The following NTRK2 variants were observed in gnomAD, a reference collection of about 807,000 sequenced individuals.
The protein encoded by NTRK2 is BDNF/NT-3 growth factors receptor.
Under a neutral mutation model 94.5 loss-of-function variants are expected in NTRK2, and 13 were observed. The observed-to-expected ratio is 0.14, with a 90% confidence interval of 0.09 to 0.22. The LOEUF (loss-of-function observed/expected upper bound fraction) is 0.22, where lower values mean the gene tolerates loss of function less well. Among genes scored for constraint, NTRK2 ranks in the 10% least tolerant of loss-of-function variants. NTRK2 has a pLI of 1.00. For missense variants in NTRK2, 639 were observed against 1,071.2 expected, an observed-to-expected ratio of 0.60 and a Z score of 5.63; for synonymous variants, 372 against 407.4, an observed-to-expected ratio of 0.91 and a Z score of 1.05.
intron 11 of NTRK2, among the ~76,000 whole-genome samples, chr9:84,746,318 TG>T (rs1015809137): frequency 3.3e-5 from 5 of 152,178 alleles, no homozygotes; most frequent in African/African-American, 1.2e-4. Flanking sequence ...TGTGCTCCGA[TG>T]GGGGTGGAGT....
rs1344105176 is a variant in NTRK2 at position 85,026,438 on chromosome 9, A to G, written c.*5001A>G. The G allele has an allele frequency of 4.3e-6, 1 of 232,158 alleles. No homozygotes were observed. Among genetic ancestry groups the G allele is most frequent in the Non-Finnish European group, 8.5e-6 (1 of 117,446 alleles). 14.4% of individuals were successfully genotyped at this position (232,158 alleles called of 1,614,324 possible). A position where few individuals can be genotyped will look rare whatever the true frequency, so the allele number is the denominator to read the frequency against. ...TGTTTGAACAGGAAAAATATTACAG[A>G]AAATGAAATGTAAAGGCCTATATCT... On this transcript the variant is annotated 3_prime_UTR_variant, in exon 19 of 19. Coordinates refer to ENST00000277120, the MANE Select transcript of NTRK2 (RefSeq NM_006180.6).
intron 12 of NTRK2, among the ~76,000 whole-genome samples, chr9:84,779,944 C>T (rs1423902345): frequency 2.0e-5 from 3 of 152,182 alleles, no homozygotes; most frequent in Non-Finnish European, 2.9e-5. Flanking sequence ...ACCACCAACA[C>T]GTCCAGCATT....
chr9:84,784,581 G>T (rs1564267695), intron 12 of NTRK2, among the ~76,000 whole-genome samples: 1 of 152,164 alleles, frequency 6.6e-6, no homozygotes, highest in Non-Finnish European at 1.5e-5. Context: ...AGAAAGGAGA[G>T]ACAGAGGACC....
At chr9:85,011,537 T>G (rs960063858) in intron 17 of NTRK2, among the ~76,000 whole-genome samples, 1 of 152,128 alleles carries the variant, frequency 6.6e-6, no homozygotes, top group Non-Finnish European at 1.5e-5. Context: ...ATCTGAGAGC[T>G]CTCTCTCGCT....
At chr9:84,789,386 A>G (rs953575224) in intron 12 of NTRK2, among the ~76,000 whole-genome samples, 1 of 152,216 alleles carries the variant, frequency 6.6e-6, no homozygotes, top group African/African-American at 2.4e-5. Context: ...CCAATTGTCC[A>G]GAGCCTTTGC....
chr9:84,739,758 T>A, intron 9 of NTRK2, among the ~76,000 whole-genome samples: 1 of 152,152 alleles, frequency 6.6e-6, no homozygotes, highest in Non-Finnish European at 1.5e-5. Context: ...AAGCCCTCAG[T>A]CCTGGGCAGA....
At chr9:84,724,871 C>T (rs572267859) in intron 8 of NTRK2, among the ~76,000 whole-genome samples, 2 of 152,224 alleles carry the variant, frequency 1.3e-5, no homozygotes, top group Non-Finnish European at 2.9e-5. Context: ...ATTATTATCA[C>T]CGGTAGAAAA....
intron 9 of NTRK2, among the ~76,000 whole-genome samples, chr9:84,732,342 A>G (rs1191098815): frequency 6.6e-6 from 1 of 152,158 alleles, no homozygotes; most frequent in Non-Finnish European, 1.5e-5. Flanking sequence ...GTTTGATTAC[A>G]TTTTTAAATA....
chr9:84,926,958 G>A (rs559776409), intron 14 of NTRK2, among the ~76,000 whole-genome samples: 28 of 152,280 alleles, frequency 1.8e-4, no homozygotes, highest in African/African-American at 6.5e-4. Flanking sequence ...TCTGTTATGA[G>A]TACTATTTTT....
intron 17 of NTRK2, among the ~76,000 whole-genome samples, chr9:85,005,316 A>G (rs928944268): frequency 6.6e-6 from 1 of 152,202 alleles, no homozygotes; most frequent in Non-Finnish European, 1.5e-5. Context: ...AGGCAGATGC[A>G]AACAGAAAGA....
intron 14 of NTRK2, among the ~76,000 whole-genome samples, chr9:84,914,795 G>A (rs1330640960): frequency 6.6e-6 from 1 of 152,058 alleles, no homozygotes; most frequent in East Asian, 1.9e-4. Flanking sequence ...GGGGACATAC[G>A]AAGCAAAAAG....
intron 12 of NTRK2, among the ~76,000 whole-genome samples, chr9:84,780,146 G>GA (rs908818320): frequency 2.3e-4 from 35 of 151,652 alleles, no homozygotes; most frequent in Admixed American, 1.7e-3. Flanking sequence ...TACAAGGGAA[G>GA]AAAAAAAACC....
intron 11 of NTRK2, among the ~76,000 whole-genome samples, chr9:84,749,228 CAA>C (rs34920308): frequency 7.2e-6 from 1 of 139,288 alleles, no homozygotes; most frequent in Non-Finnish European, 1.6e-5. Flanking sequence ...AACTCCGTCT[CAA>C]AAAAAAAAAA....
intron 12 of NTRK2, among the ~76,000 whole-genome samples, chr9:84,794,346 A>G (rs991750896): frequency 2.0e-5 from 3 of 152,210 alleles, no homozygotes; most frequent in African/African-American, 7.2e-5. Context: ...GGACAGGGGC[A>G]TAGGTTGCAG....
chr9:84,973,249 A>G lies in NTRK2; in HGVS notation c.2172+17732A>G, dbSNP rs111984174. Among the ~76,000 whole-genome samples the G allele has an allele frequency of 3.4e-3, 512 of 152,356 alleles. 4 individuals carry two copies. The highest frequency in any genetic ancestry group is 0.012 in the African/African-American group (479 of 41,574). On this transcript the variant is annotated intron_variant, in intron 17 of 18. Transcript: ENST00000277120. Reference sequence around the variant, plus strand: ...AAAAGGGGAAAATGGTAAGCAGATCAGAGAAACCCAGAGAACATTTGATTC... The same window carrying G: ...AAAAGGGGAAAATGGTAAGCAGATCGGAGAAACCCAGAGAACATTTGATTC...
intron 14 of NTRK2, among the ~76,000 whole-genome samples, chr9:84,890,297 A>C (rs1042709757): frequency 3.3e-5 from 5 of 152,238 alleles, no homozygotes; most frequent in African/African-American, 1.2e-4. Flanking sequence ...GGTGTGACTG[A>C]TCAGTGCTAA....
chr9:85,022,909 G>A lies in NTRK2; in HGVS notation c.*1472G>A, dbSNP rs1180089472. 2 of 233,102 alleles carry A rather than the reference G, an allele frequency of 8.6e-6. No individual in the cohort carries two copies. The highest frequency in any genetic ancestry group is 5.6e-5 in the Admixed American group (1 of 17,774). 14.4% of individuals were successfully genotyped at this position (233,102 alleles called of 1,614,324 possible). A position where few individuals can be genotyped will look rare whatever the true frequency, so the allele number is the denominator to read the frequency against. On this transcript the variant is annotated 3_prime_UTR_variant, in exon 19 of 19. Coordinates refer to ENST00000277120, the MANE Select transcript of NTRK2 (RefSeq NM_006180.6). ...AGGGAAAGGAAACCTCACCCTGAGGGCATCACATGCACTCATGTTCAGTGT... is the reference window on the plus strand; with the variant it reads ...AGGGAAAGGAAACCTCACCCTGAGGACATCACATGCACTCATGTTCAGTGT...
chr9:84,834,407 G>T (rs374946756), intron 12 of NTRK2, among the ~76,000 whole-genome samples: 6 of 152,256 alleles, frequency 3.9e-5, no homozygotes, highest in African/African-American at 1.4e-4. Context: ...GCTGTGCCCT[G>T]GAGGCTGCCC....
At chr9:84,974,651 T>C (rs1826588166) in intron 17 of NTRK2, among the ~76,000 whole-genome samples, 1 of 152,204 alleles carries the variant, frequency 6.6e-6, no homozygotes, top group African/African-American at 2.4e-5. Context: ...TGGGCTGTTC[T>C]CCAGTTTGAA....
Sources: gnomAD v4.1 joint callset for allele counts (sites outside exome capture counted in the v4.1 genomes callset) on GRCh38, gnomAD v4.1.1 for gene constraint, MANE v1.5 for transcripts, NCBI Gene and HGNC (gene_info 2026-07-23, HGNC 2026-07-21) for gene names.